The following KIF11 variants were observed in gnomAD, a reference collection of about 807,000 sequenced individuals.
KIF11 encodes the protein kinesin family member 11.
In KIF11, 9 loss-of-function variants were observed where a neutral mutation model predicts 121.0. The ratio of observed to expected loss-of-function variants is 0.07; its 90% CI spans 0.04 to 0.13. KIF11 has a LOEUF of 0.13. Among genes scored for constraint, KIF11 ranks in the 10% least tolerant of loss-of-function variants. The pLI, the probability that KIF11 is intolerant of heterozygous loss-of-function variation, is 1.00. For missense variants in KIF11, 846 were observed against 1,217.5 expected (o/e 0.69, Z 4.54); for synonymous variants, 408 against 421.0 (o/e 0.97, Z 0.38).
At chr10:92,630,867 C>CA (rs58123701) in intron 12 of KIF11, among the ~76,000 whole-genome samples, 76,356 of 99,830 alleles carry the variant, frequency 0.76, 28,636 homozygotes, top group East Asian at 0.89. Context: ...AACTCCGTCT[C>CA]AAAAAAAAAA....
intron 8 of KIF11, among the ~76,000 whole-genome samples, chr10:92,615,496 CA>C (rs1379728277): frequency 2.6e-5 from 4 of 152,098 alleles, no homozygotes. Context: ...CCATAAAATT[CA>C]CTGATTTAAA....
chr10:92,606,147 A>G (rs1844428394), intron 1 of KIF11, 118 bp from the exon 2 acceptor site: 1 of 825,748 alleles, frequency 1.2e-6, no homozygotes, highest in African/African-American at 1.7e-5. Flanking sequence ...TTTAATCTCC[A>G]TCACCAACAA....
intron 12 of KIF11, among the ~76,000 whole-genome samples, chr10:92,630,605 C>A (rs945975863): frequency 6.6e-6 from 1 of 152,286 alleles, no homozygotes; most frequent in South Asian, 2.1e-4. Context: ...TGGTGGCTCA[C>A]GCCTATAATC....
chr10:92,602,964 C>A (rs912022952), intron 1 of KIF11, among the ~76,000 whole-genome samples: 1 of 151,432 alleles, frequency 6.6e-6, no homozygotes, highest in African/African-American at 2.4e-5. Flanking sequence ...AAGCGATTCT[C>A]CTGTCTCAGC....
intron 9 of KIF11, 108 bp from the exon 10 acceptor site, chr10:92,621,277 T>C (rs567208891): frequency 3.6e-6 from 2 of 561,792 alleles, no homozygotes; most frequent in Admixed American, 6.4e-5. Context: ...CTTCTTTAAG[T>C]TTTAAAAGAC....
intron 1 of KIF11, among the ~76,000 whole-genome samples, chr10:92,602,825 C>CGTGT (rs3980475): frequency 0.023 from 2,844 of 122,340 alleles, 49 homozygotes; most frequent in East Asian, 0.071. Flanking sequence ...CACACACACA[C>CGTGT]GTGTGTGTGT....
In KIF11 at chr10:92,606,366, A is replaced by G; in HGVS notation, c.179A>G (p.Lys60Arg). The change falls in exon 2 of 22, where the codon AAG becomes AGG. Residue 60 changes from lysine to arginine, a missense_variant. By Grantham distance (26) the Lys-to-Arg change is conservative (BLOSUM62 2). Around this residue, in one of 5 missense-constraint regions of KIF11, gnomAD observed 140 missense variants for 193.5 expected, o/e 0.72. Coordinates refer to ENST00000260731, the MANE Select transcript of KIF11 (RefSeq NM_004523.4). ...VSVRTGGLAD[K>R]SSRKTYTFDM... ...GTACGAACTGGAGGATTGGCTGACA[A>G]GAGCTCAAGGAAAACATACACTTTT... 2 of 1,611,518 alleles carry G rather than the reference A, an allele frequency of 1.2e-6. No individual in the cohort carries two copies. Among genetic ancestry groups the G allele is most frequent in the African/African-American group, 1.3e-5 (1 of 74,944 alleles).
At chr10:92,605,280 C>T (rs1022260039) in intron 1 of KIF11, among the ~76,000 whole-genome samples, 11 of 152,142 alleles carry the variant, frequency 7.2e-5, no homozygotes, top group South Asian at 6.2e-4. Context: ...TTACCAACCT[C>T]ACAGTGTTGT....
At chr10:92,624,228 CTTTT>C (rs201871020) in intron 10 of KIF11, among the ~76,000 whole-genome samples, 1 of 99,838 alleles carries the variant, frequency 1.0e-5, no homozygotes, top group Non-Finnish European at 2.0e-5. Flanking sequence ...TGATCTCATT[CTTTT>C]TTTTTTTTTT....
At chr10:92,638,004 T>G (rs7069680) in intron 16 of KIF11, among the ~76,000 whole-genome samples, 1 of 152,106 alleles carries the variant, frequency 6.6e-6, no homozygotes, top group Non-Finnish European at 1.5e-5. Flanking sequence ...CTTTTAATTC[T>G]TATTGATTAT....
intron 10 of KIF11, among the ~76,000 whole-genome samples, chr10:92,625,057 C>T (rs1327171205): frequency 6.6e-6 from 1 of 152,108 alleles, no homozygotes; most frequent in Non-Finnish European, 1.5e-5. Context: ...GTGTGAGCCA[C>T]CATGCCCTGC....
At chr10:92,608,651 A>G (rs2135902118) in intron 4 of KIF11, among the ~76,000 whole-genome samples, 1 of 152,176 alleles carries the variant, frequency 6.6e-6, no homozygotes, top group East Asian at 1.9e-4. Flanking sequence ...GTTGGCCGGG[A>G]TGGTCTTGAT....
In KIF11 at chr10:92,606,656, G is replaced by A. The variant is rs1197340940; in HGVS notation, c.248G>A (p.Arg83Gln). Residue 83 changes from arginine to glutamine, a missense_variant, in exon 3 of 22, where the codon CGA becomes CAA. This residue lies in a region of KIF11 where 140 missense variants were observed against 193.5 expected (regional missense o/e 0.72). Coordinates refer to ENST00000260731, the MANE Select transcript of KIF11 (RefSeq NM_004523.4). ...GASTKQIDVY[R>Q]SVVCPILDEV... is the part of the protein sequence containing the mutation. ...TCTACTAAACAGATTGATGTTTACC[G>A]AAGTGTTGTTTGTCCAATTCTGGAT... 5 of 1,597,020 alleles carry A rather than the reference G, an allele frequency of 3.1e-6. No homozygotes were observed. Among genetic ancestry groups the A allele is most frequent in the Non-Finnish European group, 4.3e-6 (5 of 1,165,210 alleles).
At chr10:92,620,910 T>A (rs1280059487) in intron 9 of KIF11, among the ~76,000 whole-genome samples, 1 of 152,236 alleles carries the variant, frequency 6.6e-6, no homozygotes, top group East Asian at 1.9e-4. Context: ...CAAGATGAGA[T>A]TTAGGTGGGG....
chr10:92,648,881 C>A (rs762982170), intron 19 of KIF11, among the ~76,000 whole-genome samples: 3 of 152,094 alleles, frequency 2.0e-5, no homozygotes, highest in Non-Finnish European at 4.4e-5. Context: ...TCACCATGGA[C>A]CATTAGCATT....
rs376032374 is a variant in KIF11 at position 92,606,335 on chromosome 10, G to A, written c.148G>A (p.Val50Ile). 1.9e-6 allele frequency: 3 copies of A among 1,612,654 alleles called. No individual in the cohort carries two copies. In the Admixed American group the frequency reaches 5.0e-5, roughly 27 times the overall value. Residue 50 changes from valine (V) to isoleucine (I), a missense_variant, in exon 2 of 22, where the codon GTT (valine) becomes ATT (isoleucine). Transcript: ENST00000260731. ...IVECDPVRKE[V>I]SVRTGGLADK... ...AGAATGTGATCCTGTACGAAAAGAAGTTAGTGTACGAACTGGAGGATTGGC... is the reference window on the plus strand; with the variant it reads ...AGAATGTGATCCTGTACGAAAAGAAATTAGTGTACGAACTGGAGGATTGGC...
chr10:92,606,262 T>C lies in KIF11; in HGVS notation c.78-3T>C, dbSNP rs765910083. ...GAATGACTTTGTGTATTTCTTTTTA[T>C]AGACCATTTAATTTGGCAGAGCGGA... On this transcript the variant is annotated splice_region_variant and splice_polypyrimidine_tract_variant and intron_variant, in intron 1 of 21. Coordinates refer to ENST00000260731, the MANE Select transcript of KIF11 (RefSeq NM_004523.4). 1.3e-6 allele frequency: 2 copies of C among 1,585,046 alleles called. No homozygotes were observed. The highest frequency in any genetic ancestry group is 1.7e-6 in the Non-Finnish European group (2 of 1,172,180).
chr10:92,641,155 A>G (rs1844862582), intron 17 of KIF11, among the ~76,000 whole-genome samples: 1 of 152,160 alleles, frequency 6.6e-6, no homozygotes, highest in South Asian at 2.1e-4. Context: ...TTATAACTTT[A>G]TGGTTTAACA....
chr10:92,648,651 T>C lies in KIF11; in HGVS notation c.2770+217T>C, dbSNP rs12264712. Among the ~76,000 whole-genome samples, 20,364 of 152,218 alleles carry C rather than the reference T, an allele frequency of 0.13. 3,649 individuals carry two copies. The highest frequency in any genetic ancestry group is 0.41 in the African/African-American group (17,020 of 41,468). ...CACAATTCAGTATAATTTCACATAC[T>C]TTCAGGGAGTTGACTTTGTTAATAG... On this transcript the variant is annotated intron_variant, in intron 19 of 21. Coordinates refer to ENST00000260731, the MANE Select transcript of KIF11 (RefSeq NM_004523.4).
Sources: allele counts gnomAD v4.1 joint callset (sites outside exome capture counted in the v4.1 genomes callset), GRCh38; gene constraint gnomAD v4.1.1; regional missense constraint gnomAD v4.1.1; transcripts MANE v1.5; gene names NCBI Gene and HGNC (gene_info 2026-07-23, HGNC 2026-07-21).